ERAP1: variants seen among roughly 807,000 people sequenced by gnomAD.
ERAP1 encodes adipocyte-derived leucine aminopeptidase.
A neutral mutation model predicts 103.7 loss-of-function variants in ERAP1; 86 were observed. The observed-to-expected ratio is 0.83, with a 90% confidence interval of 0.70 to 0.99. ERAP1 has a LOEUF of 0.99. Ranked by LOEUF, ERAP1 falls within the 50% of genes least tolerant of loss-of-function variation. The pLI is 0.00. For synonymous variants in ERAP1, 398 were observed against 402.4 expected, an observed-to-expected ratio of 0.99 and a Z score of 0.13; for missense variants, 1,009 against 1,128.4, an observed-to-expected ratio of 0.89 and a Z score of 1.52.
chr5:96,762,411 C>T (rs755550439), exon 20 of ERAP1: 24 of 1,425,026 alleles, frequency 1.7e-5, no homozygotes, highest in South Asian at 1.5e-4. Context: ...AATGTTTTTG[C>T]GCAGCCACAA....
the ERAP1 span, among the ~76,000 whole-genome samples, chr5:96,826,482 ACT>A: frequency 6.6e-6 from 1 of 152,006 alleles, no homozygotes; most frequent in Admixed American, 6.6e-5. Context: ...AGAAAGTAAA[ACT>A]CTTAGGGATC....
the ERAP1 span, among the ~76,000 whole-genome samples, chr5:96,820,941 T>C: frequency 7.8e-6 from 1 of 127,972 alleles, no homozygotes; most frequent in Non-Finnish European, 1.7e-5. Flanking sequence ...AAATAAAACT[T>C]ACAGGAGAAA....
At chr5:96,840,695 T>A in the ERAP1 span, among the ~76,000 whole-genome samples, 7 of 132,882 alleles carry the variant, frequency 5.3e-5, no homozygotes, top group East Asian at 1.3e-3. Context: ...GGCATTGGAC[T>A]TTTTTTTTCT....
the ERAP1 span, among the ~76,000 whole-genome samples, chr5:96,879,063 A>C: frequency 6.6e-6 from 1 of 152,120 alleles, no homozygotes; most frequent in Non-Finnish European, 1.5e-5. Flanking sequence ...CCATCTCTAC[A>C]AAAAAGGTAG....
At chr5:96,767,493 T>C (rs1351988499) in intron 19 of ERAP1, 2 of 1,608,714 alleles carry the variant, frequency 1.2e-6, no homozygotes, top group Admixed American at 1.7e-5. Context: ...GTAAAGACCA[T>C]AGGAACATAT....
chr5:96,787,660 T>C (rs1776202920), intron 11 of ERAP1, among the ~76,000 whole-genome samples: 1 of 152,084 alleles, frequency 6.6e-6, no homozygotes, highest in Non-Finnish European at 1.5e-5. Flanking sequence ...CAGAAAAACA[T>C]ATGCCAAGTA....
At chr5:96,766,081 A>G in intron 19 of ERAP1, 8 of 1,610,400 alleles carry the variant, frequency 5.0e-6, no homozygotes, top group Non-Finnish European at 6.8e-6. Flanking sequence ...CATAGAGACA[A>G]GCTTGGAGAA....
intron 4 of ERAP1, 33 bp downstream of exon 4, chr5:96,797,142 G>T: frequency 6.2e-7 from 1 of 1,613,638 alleles, no homozygotes; most frequent in East Asian, 2.2e-5. Flanking sequence ...ACCAGAACAA[G>T]CTGGTCACCA....
intron 16 of ERAP1, 50 bp downstream of exon 16, chr5:96,781,643 C>T: frequency 6.2e-7 from 1 of 1,611,652 alleles, no homozygotes; most frequent in Non-Finnish European, 8.5e-7. Flanking sequence ...ATGATCTAAT[C>T]TAATCTAATT....
the ERAP1 span, among the ~76,000 whole-genome samples, chr5:96,842,229 G>T: frequency 6.6e-6 from 1 of 152,192 alleles, no homozygotes; most frequent in East Asian, 1.9e-4. Flanking sequence ...TTTCAATTGT[G>T]AATTGTGCTG....
At chr5:96,916,986 T>A in the ERAP1 span, among the ~76,000 whole-genome samples, 1 of 152,156 alleles carries the variant, frequency 6.6e-6, no homozygotes, top group East Asian at 1.9e-4. Context: ...TGTTTGAAAA[T>A]AAAGTGAACA....
the ERAP1 span, among the ~76,000 whole-genome samples, chr5:96,828,994 A>C: frequency 2.0e-5 from 3 of 152,046 alleles, no homozygotes; most frequent in African/African-American, 7.2e-5. Flanking sequence ...TTACAGGCAC[A>C]CACCACCACA....
rs769706721 is a variant in ERAP1 at position 96,784,009 on chromosome 5, G to T, written c.2015C>A (p.Pro672His). The change falls in exon 14 of 19, where the codon CCC becomes CAC. Residue 672 changes from proline to histidine, a missense_variant. Transcript: ENST00000443439. ...LYLKHETEIMPVFQGLNELIP... is the reference protein window; with the variant it reads ...LYLKHETEIMHVFQGLNELIP... ...CAGCTCATTCAAACCTTGAAACACG[G>T]GCATAATTTCAGTTTCATGTTTCAA... 6.2e-7 allele frequency: 1 copy of T among 1,613,720 alleles called. No homozygotes were observed. Among genetic ancestry groups the T allele is most frequent in the East Asian group, 2.2e-5 (1 of 44,858 alleles).
At chr5:96,917,094 A>G in the ERAP1 span, among the ~76,000 whole-genome samples, 1 of 152,102 alleles carries the variant, frequency 6.6e-6, no homozygotes. Flanking sequence ...AAATTTTTGG[A>G]AGACGAAGTG....
At chr5:96,848,616 G>A in the ERAP1 span, 2 of 152,132 alleles carry the variant, frequency 1.3e-5, no homozygotes, top group Non-Finnish European at 2.9e-5. Flanking sequence ...CCAATAGTGA[G>A]TTACAATATT....
chr5:96,791,442 C>G (rs764166815), intron 8 of ERAP1, among the ~76,000 whole-genome samples: 14 of 152,196 alleles, frequency 9.2e-5, no homozygotes, highest in Non-Finnish European at 1.9e-4. Flanking sequence ...CACTCTCAGC[C>G]TCGGTGAGAA....
chr5:96,909,973 A>T, the ERAP1 span: 1 of 480,780 alleles, frequency 2.1e-6, no homozygotes, highest in Non-Finnish European at 3.7e-6. Flanking sequence ...GGTGTCCATT[A>T]TTCCGGTGCT....
At chr5:96,837,546 G>A in the ERAP1 span, among the ~76,000 whole-genome samples, 2 of 152,344 alleles carry the variant, frequency 1.3e-5, no homozygotes, top group South Asian at 4.1e-4. Context: ...TGCAGGAGCC[G>A]AGGCGAGTGC....
At chr5:96,881,404 G>A in the ERAP1 span, 1 of 456,160 alleles carries the variant, frequency 2.2e-6, no homozygotes, top group Non-Finnish European at 4.4e-6. Flanking sequence ...GTCATGTGAG[G>A]TGAGGGAAAT....
Sources: gnomAD v4.1 joint callset for allele counts (sites outside exome capture counted in the v4.1 genomes callset) on GRCh38, gnomAD v4.1.1 for gene constraint, MANE v1.5 for transcripts, NCBI Gene and HGNC (gene_info 2026-07-23, HGNC 2026-07-21) for gene names.